Variants in PTPRT observed in about 807,000 individuals in gnomAD.
PTPRT encodes protein tyrosine phosphatase receptor type T, also known as receptor-type tyrosine-protein phosphatase T.
Under a neutral mutation model 176.8 loss-of-function variants are expected in PTPRT, and 56 were observed. The observed-to-expected ratio is 0.32, with a 90% confidence interval of 0.26 to 0.40. The LOEUF (loss-of-function observed/expected upper bound fraction) is 0.40. PTPRT is among the 10% of genes least tolerant of loss of function. The pLI is 1.00. For synonymous variants in PTPRT, 783 were observed against 739.0 expected (o/e 1.06, Z -0.96); for missense variants, 1,540 against 1,908.2 (o/e 0.81, Z 3.60).
chr20:42,732,735 T>C (rs900872199), intron 6 of PTPRT, among the ~76,000 whole-genome samples: 1 of 152,204 alleles, frequency 6.6e-6, no homozygotes, highest in Non-Finnish European at 1.5e-5. Flanking sequence ...AGTCCGATGC[T>C]TGGGGGCTCA....
Position 42,386,717 on chromosome 20 carries a change from T to C in PTPRT, c.1561-34432A>G, listed in dbSNP as rs186434873. 1.4e-4 allele frequency among the ~76,000 whole-genome samples: 22 copies of C among 152,170 alleles called. No individual in the cohort carries two copies. In the East Asian group the frequency reaches 2.9e-3, roughly 20 times the overall value. On this transcript the variant is annotated intron_variant, in intron 9 of 30. Coordinates refer to ENST00000373187, the MANE Select transcript of PTPRT (RefSeq NM_007050.6). Reference sequence around the variant, plus strand: ...CTCTACTAAAAATACAAAAATTATCTGGGCGTGGTGGTGGACGCCTGTAAT... The same window carrying C: ...CTCTACTAAAAATACAAAAATTATCCGGGCGTGGTGGTGGACGCCTGTAAT...
intron 7 of PTPRT, among the ~76,000 whole-genome samples, chr20:42,553,459 A>T (rs1420214606): frequency 6.6e-6 from 1 of 151,420 alleles, no homozygotes; most frequent in Non-Finnish European, 1.5e-5. Flanking sequence ...CCTCTCATGC[A>T]TGCTGTCTTC....
intron 11 of PTPRT, among the ~76,000 whole-genome samples, chr20:42,317,248 T>C (rs2057733976): frequency 6.6e-6 from 1 of 152,226 alleles, no homozygotes; most frequent in South Asian, 2.1e-4. Context: ...AAGAAGATGC[T>C]AGTGTGTGAA....
intron 6 of PTPRT, among the ~76,000 whole-genome samples, chr20:42,683,271 T>TTTTTGTTTTGTTTTGTTTTA (rs1555898541): frequency 2.7e-5 from 4 of 149,280 alleles, no homozygotes; most frequent in African/African-American, 1.0e-4. Flanking sequence ...TTACTTGTTT[T>TTTTTGTTTTGTTTTGTTTTA]TTTTGTTTTG....
At chr20:42,427,711 C>T (rs563816920) in intron 9 of PTPRT, among the ~76,000 whole-genome samples, 1 of 152,162 alleles carries the variant, frequency 6.6e-6, no homozygotes, top group Non-Finnish European at 1.5e-5. Flanking sequence ...GTGACTTGCA[C>T]GTATACATCC....
At chr20:43,153,290 C>T (rs996841465) in intron 1 of PTPRT, among the ~76,000 whole-genome samples, 5 of 152,114 alleles carry the variant, frequency 3.3e-5, no homozygotes, top group African/African-American at 1.2e-4. Context: ...AGGAAAAAGT[C>T]AGAAAGGATA....
intron 1 of PTPRT, among the ~76,000 whole-genome samples, chr20:42,988,577 A>G (rs557608954): frequency 3.3e-5 from 5 of 152,298 alleles, no homozygotes; most frequent in Middle Eastern, 3.4e-3. Context: ...ATGACGGCCA[A>G]TGAAATTATA....
chr20:42,781,472 C>T (rs914139856), intron 3 of PTPRT, among the ~76,000 whole-genome samples: 4 of 152,170 alleles, frequency 2.6e-5, no homozygotes, highest in Non-Finnish European at 5.9e-5. Flanking sequence ...AACATCAGCG[C>T]TCTTGACCCG....
At chr20:42,224,579 C>A (rs1168235829) in intron 15 of PTPRT, among the ~76,000 whole-genome samples, 1 of 152,206 alleles carries the variant, frequency 6.6e-6, no homozygotes, top group Non-Finnish European at 1.5e-5. Context: ...TTTCAAATGC[C>A]TTTATTTGAT....
At chr20:42,805,982 C>G (rs954495973) in intron 2 of PTPRT, among the ~76,000 whole-genome samples, 1 of 151,324 alleles carries the variant, frequency 6.6e-6, no homozygotes, top group Non-Finnish European at 1.5e-5. Context: ...ATCTCACACC[C>G]TAATTCCTAA....
intron 5 of PTPRT, among the ~76,000 whole-genome samples, chr20:42,763,022 T>C (rs1205614337): frequency 6.6e-6 from 1 of 152,204 alleles, no homozygotes; most frequent in Non-Finnish European, 1.5e-5. Context: ...CACTTTAATG[T>C]TCTGTCCCCA....
At chr20:42,093,445 T>C (rs1984848526) in intron 27 of PTPRT, among the ~76,000 whole-genome samples, 1 of 133,056 alleles carries the variant, frequency 7.5e-6, no homozygotes, top group African/African-American at 3.0e-5. Flanking sequence ...ATAATTACCT[T>C]TGAACAGCAA....
intron 1 of PTPRT, among the ~76,000 whole-genome samples, chr20:42,923,543 A>G (rs1208879176): frequency 6.6e-6 from 1 of 152,232 alleles, no homozygotes; most frequent in Non-Finnish European, 1.5e-5. Flanking sequence ...AAGTGACAAC[A>G]CACTTTTCAC....
rs11905113 is a variant in PTPRT, at chr20:43,118,841, C to T, written c.88+70805G>A. Reference sequence around the variant, plus strand: ...GGTAAAGCTGGGATTCCAACCAAATCCTGTGTAAATGTTGGTTCAGTAGTT... The same window carrying T: ...GGTAAAGCTGGGATTCCAACCAAATTCTGTGTAAATGTTGGTTCAGTAGTT... On this transcript the variant is annotated intron_variant, in intron 1 of 30. Transcript: ENST00000373187. Among the ~76,000 whole-genome samples the T allele has an allele frequency of 4.1e-3, 617 of 152,298 alleles. 7 individuals are homozygous for T. Among genetic ancestry groups the T allele is most frequent in the African/African-American group, 0.014 (590 of 41,570 alleles).
intron 7 of PTPRT, among the ~76,000 whole-genome samples, chr20:42,560,878 T>C (rs2072941160): frequency 6.6e-6 from 1 of 152,116 alleles, no homozygotes; most frequent in Non-Finnish European, 1.5e-5. Flanking sequence ...AACTCTCTCT[T>C]TCCTGGATTC....
rs79846903 is a variant in PTPRT at position 42,719,969 on chromosome 20, C to A, written c.859+36493G>T. Among the ~76,000 whole-genome samples the A allele has an allele frequency of 9.2e-3, 1,403 of 152,310 alleles. 26 individuals carry two copies. Among genetic ancestry groups the A allele is most frequent in the African/African-American group, 0.033 (1,351 of 41,562 alleles). ...ACCAAAGGCCTCCGCCATGAACTCA[C>A]ATGCATTTGGGCAAGACCCCTAGGT... On this transcript the variant is annotated intron_variant, in intron 6 of 30. Coordinates refer to ENST00000373187, the MANE Select transcript of PTPRT (RefSeq NM_007050.6).
chr20:42,188,640 T>C (rs1990874140), intron 16 of PTPRT, among the ~76,000 whole-genome samples: 1 of 152,210 alleles, frequency 6.6e-6, no homozygotes, highest in Non-Finnish European at 1.5e-5. Flanking sequence ...AATTGGTCTC[T>C]AAGCTCAGTT....
chr20:42,786,259 C>T (rs1206308941), intron 3 of PTPRT, among the ~76,000 whole-genome samples: 2 of 152,284 alleles, frequency 1.3e-5, no homozygotes, highest in South Asian at 2.1e-4. Flanking sequence ...GACTAATATA[C>T]CTGACATGAT....
At chr20:42,298,963 T>TA (rs966952506) in intron 12 of PTPRT, among the ~76,000 whole-genome samples, 52 of 147,406 alleles carry the variant, frequency 3.5e-4, no homozygotes, top group Middle Eastern at 3.6e-3. Flanking sequence ...TGTGCAGCTG[T>TA]AAAAAAAAAA....
Sources: gnomAD v4.1 joint callset for allele counts (sites outside exome capture counted in the v4.1 genomes callset) on GRCh38, gnomAD v4.1.1 for gene constraint, MANE v1.5 for transcripts, NCBI Gene and HGNC (gene_info 2026-07-23, HGNC 2026-07-21) for gene names.